TP73: variants seen among roughly 807,000 people sequenced by gnomAD.
TP73 encodes p53-like transcription factor.
In TP73, 25 loss-of-function variants were observed where a neutral mutation model predicts 62.5. The observed-to-expected ratio is 0.40, with a 90% CI of 0.29 to 0.56. The LOEUF (loss-of-function observed/expected upper bound fraction) is 0.56, where lower values mean the gene tolerates loss of function less well. Ranked by LOEUF, TP73 falls within the 20% of genes least tolerant of loss-of-function variation. The probability of loss-of-function intolerance (pLI) is 0.46; values close to 1 mark genes in which losing one functional copy is unlikely to be tolerated. For synonymous variants in TP73, 423 were observed against 377.5 expected (o/e 1.12, Z -1.40); for missense variants, 754 against 913.3 (o/e 0.83, Z 2.25).
At chr1:3,653,783 G>A (rs1024630257) in intron 1 of TP73, among the ~76,000 whole-genome samples, 53 of 152,324 alleles carry the variant, frequency 3.5e-4, no homozygotes, top group African/African-American at 1.3e-3. Flanking sequence ...TTTATTCGGG[G>A]AAAGATTAAA....
intron 1 of TP73, among the ~76,000 whole-genome samples, chr1:3,653,452 A>T (rs1644802445): frequency 6.6e-6 from 1 of 152,234 alleles, no homozygotes; most frequent in African/African-American, 2.4e-5. Flanking sequence ...GCTAGGAGAT[A>T]AGCCCATGTA....
At chr1:3,723,227 A>G (rs1641242753) in intron 5 of TP73, 127 bp from the exon 6 acceptor site, 2 of 683,362 alleles carry the variant, frequency 2.9e-6, no homozygotes, top group South Asian at 1.7e-5. Flanking sequence ...GGGGCTGGGT[A>G]CCTCTCTGCA....
intron 3 of TP73, among the ~76,000 whole-genome samples, chr1:3,706,569 T>C (rs1444434862): frequency 4.0e-5 from 6 of 151,856 alleles, no homozygotes; most frequent in Non-Finnish European, 7.4e-5. Context: ...GGGAAAGCGC[T>C]GTTTATACAT....
In TP73 at chr1:3,731,011, C is replaced by T. The variant is rs758514565; in HGVS notation, c.1430C>T (p.Ser477Leu). The change falls in exon 12 of 14, where the codon TCG becomes TTG. Residue 477 changes from serine to leucine, a missense_variant. Transcript: ENST00000378295. ...SSSHSAQSMV[S>L]GSHCTPPPPY... ...AGCCACAGCGCCCAGTCCATGGTCTCGGGGTCCCACTGCACTCCGCCACCC... is the reference window on the plus strand; with the variant it reads ...AGCCACAGCGCCCAGTCCATGGTCTTGGGGTCCCACTGCACTCCGCCACCC... The T allele has an allele frequency of 2.5e-6, 4 of 1,612,494 alleles. No homozygotes were observed. The South Asian group carries it at 4.4e-5, about 18-fold the overall frequency.
intron 1 of TP73, among the ~76,000 whole-genome samples, chr1:3,665,408 C>G (rs779871309): frequency 6.6e-6 from 1 of 152,086 alleles, no homozygotes; most frequent in Admixed American, 6.6e-5. Flanking sequence ...CAAAATACAC[C>G]GTTGTAAGAT....
chr1:3,686,488 G>GGGTGCT (rs1317795597), intron 3 of TP73, among the ~76,000 whole-genome samples: 2 of 152,210 alleles, frequency 1.3e-5, no homozygotes, highest in East Asian at 3.8e-4. Flanking sequence ...GCCAGGTGCT[G>GGGTGCT]GGTGCTGGCT....
chr1:3,691,152 C>T (rs927238513), intron 3 of TP73, among the ~76,000 whole-genome samples: 2 of 152,142 alleles, frequency 1.3e-5, no homozygotes, highest in Non-Finnish European at 2.9e-5. Flanking sequence ...CTCCAACAGC[C>T]TGTGCCCACC....
At chr1:3,713,565 A>T (rs1276810617) in intron 4 of TP73, among the ~76,000 whole-genome samples, 1 of 152,180 alleles carries the variant, frequency 6.6e-6, no homozygotes, top group Non-Finnish European at 1.5e-5. Flanking sequence ...ACCCCAGGCC[A>T]GTGGTCACTT....
chr1:3,664,241 C>T (rs1645062079), intron 1 of TP73, among the ~76,000 whole-genome samples: 1 of 152,190 alleles, frequency 6.6e-6, no homozygotes, highest in South Asian at 2.1e-4. Context: ...CAGGGTGTGT[C>T]CCCCTACCAG....
intron 3 of TP73, 25 bp downstream of exon 3, chr1:3,683,205 A>T (rs1458905523): frequency 6.3e-7 from 1 of 1,591,026 alleles, no homozygotes; most frequent in Non-Finnish European, 8.6e-7. Flanking sequence ...TGCCCTCTGC[A>T]AGAGGACTGG....
intron 1 of TP73, among the ~76,000 whole-genome samples, chr1:3,667,455 G>C (rs1156257675): frequency 2.0e-5 from 3 of 152,222 alleles, no homozygotes; most frequent in South Asian, 4.1e-4. Context: ...TGCCTGATAG[G>C]CATAAACGAG....
intron 6 of TP73, among the ~76,000 whole-genome samples, chr1:3,724,710 A>G (rs1641361628): frequency 1.3e-5 from 2 of 152,202 alleles, no homozygotes; most frequent in South Asian, 4.1e-4. Flanking sequence ...GTCTGGGGAC[A>G]CTCATTGATC....
chr1:3,665,355 C>A (rs1035426907), intron 1 of TP73, among the ~76,000 whole-genome samples: 1 of 152,114 alleles, frequency 6.6e-6, no homozygotes, highest in African/African-American at 2.4e-5. Flanking sequence ...AAACAGGATG[C>A]TAATTGGATT....
intron 3 of TP73, among the ~76,000 whole-genome samples, chr1:3,685,081 G>A (rs1303430596): frequency 1.3e-5 from 2 of 152,110 alleles, no homozygotes; most frequent in African/African-American, 4.8e-5. Context: ...CCATAAGATT[G>A]TCCCCTGAGA....
At chr1:3,675,381 T>C (rs565178761) in intron 1 of TP73, among the ~76,000 whole-genome samples, 45 of 152,290 alleles carry the variant, frequency 3.0e-4, no homozygotes, top group Middle Eastern at 3.4e-3. Flanking sequence ...GAATCGTTGA[T>C]CTGCTGAAAT....
Position 3,662,115 on chromosome 1 carries a change from C to T in TP73, c.-34+9474C>T, listed in dbSNP as rs1353866601. 1 of 152,014 alleles carries T rather than the reference C, an allele frequency of 6.6e-6. No homozygotes were observed. Among genetic ancestry groups the T allele is most frequent in the East Asian group, 1.9e-4 (1 of 5,188 alleles). The allele number at this position is 152,014 out of a possible 1,614,324, so 9.4% of individuals were successfully genotyped here. ...TTCCTCCTGCTGCCCCAAATTGCCA[C>T]TCTCCTGGAGCAGCCCCTGAAGGTG... On this transcript the variant is annotated intron_variant, in intron 1 of 13. Transcript: ENST00000378295. This position sits in a 1 kb window ranked among gnomAD's most constrained non-coding sequence, Gnocchi z 4.4.
Position 3,727,191 on chromosome 1 carries a change from C to T in TP73, c.809C>T (p.Pro270Leu). 1.2e-6 allele frequency: 2 copies of T among 1,612,194 alleles called. No homozygotes were observed. Among genetic ancestry groups the T allele is most frequent in the Non-Finnish European group, 1.7e-6 (2 of 1,179,600 alleles). ...TGTGTAGGGGGCATGAACCGGCGGC[C>T]CATCCTCATCATCATCACCCTGGAG... ...SSCVGGMNRR[P>L]ILIIITLEMR... Residue 270 changes from proline to leucine, a missense_variant, in exon 7 of 14, where the codon CCC (proline) becomes CTC (leucine). Pro to Leu is a moderately conservative substitution (Grantham distance 98). Transcript: ENST00000378295.
intron 10 of TP73, 161 bp from the exon 11 acceptor site, chr1:3,729,839 C>T (rs941199104): frequency 1.8e-6 from 2 of 1,097,896 alleles, no homozygotes; most frequent in South Asian, 3.2e-5. Context: ...AGTGGCCGTG[C>T]ATGGCCATGG....
At position 3,670,847 on chromosome 1, in the gene TP73, C is replaced by T. The variant is rs1444570514; in HGVS notation, c.-33-11486C>T. ...CAAATCATGGATTCTGTCATCGCTT[C>T]TTCACGGAGCACCTACTGTGTGCCA... On this transcript the variant is annotated intron_variant, in intron 1 of 13. Coordinates refer to ENST00000378295, the MANE Select transcript of TP73 (RefSeq NM_005427.4). This position sits in a 1 kb window ranked among gnomAD's most constrained non-coding sequence, Gnocchi z 5.9. 1.3e-5 allele frequency among the ~76,000 whole-genome samples: 2 copies of T among 152,236 alleles called. No individual in the cohort carries two copies. Among genetic ancestry groups the T allele is most frequent in the Non-Finnish European group, 2.9e-5 (2 of 68,052 alleles).
Sources: allele counts gnomAD v4.1 joint callset (sites outside exome capture counted in the v4.1 genomes callset), GRCh38; gene constraint gnomAD v4.1.1; non-coding constraint Gnocchi (gnomAD v3.1); transcripts MANE v1.5; gene names NCBI Gene and HGNC (gene_info 2026-07-23, HGNC 2026-07-21).